ZNF704: variants seen among roughly 807,000 people sequenced by gnomAD.
ZNF704 encodes the protein zinc finger protein 704.
A neutral mutation model predicts 44.7 loss-of-function variants in ZNF704; 10 were observed. The observed-to-expected ratio is 0.22, with a 90% confidence interval of 0.14 to 0.38. The LOEUF (loss-of-function observed/expected upper bound fraction) is 0.38, where lower values mean the gene tolerates loss of function less well. ZNF704 is among the 10% of genes least tolerant of loss of function. The pLI is 1.00. For synonymous variants in ZNF704, 211 were observed against 207.6 expected (o/e 1.02, Z -0.14); for missense variants, 390 against 545.5 (o/e 0.71, Z 2.84).
chr8:80,864,733 G>A (rs558724757), intron 1 of ZNF704, among the ~76,000 whole-genome samples: 13 of 152,288 alleles, frequency 8.5e-5, no homozygotes, highest in Middle Eastern at 3.4e-3. Flanking sequence ...AGACACCAAC[G>A]CACAGGAGGG....
intron 2 of ZNF704, among the ~76,000 whole-genome samples, chr8:80,790,771 T>C (rs889572799): frequency 2.0e-5 from 3 of 151,976 alleles, no homozygotes; most frequent in Non-Finnish European, 1.5e-5. Flanking sequence ...TCTGAGGGCA[T>C]GAAGCTAAGT....
At chr8:80,749,038 A>C (rs537706160) in intron 2 of ZNF704, among the ~76,000 whole-genome samples, 26 of 152,320 alleles carry the variant, frequency 1.7e-4, no homozygotes, top group African/African-American at 6.0e-4. Context: ...GTCATCTACT[A>C]ATGAGTGAGG....
At chr8:80,873,154 T>C (rs1809283422) in intron 1 of ZNF704, among the ~76,000 whole-genome samples, 1 of 152,096 alleles carries the variant, frequency 6.6e-6, no homozygotes, top group Non-Finnish European at 1.5e-5. Flanking sequence ...ACTCCTTCCT[T>C]GGGGGAGAAT....
At chr8:80,883,186 C>T in the ZNF704 span, among the ~76,000 whole-genome samples, 7 of 140,260 alleles carry the variant, frequency 5.0e-5, no homozygotes. Flanking sequence ...AGACAGGTTT[C>T]AGTCAGCTGA....
In ZNF704 at chr8:80,687,357, A is replaced by T; in HGVS notation, c.427T>A (p.Ser143Thr). 6.2e-7 allele frequency: 1 copy of T among 1,608,784 alleles called. No homozygotes were observed. Among genetic ancestry groups the T allele is most frequent in the Non-Finnish European group, 8.5e-7 (1 of 1,179,524 alleles). ...GCCGAGAGCGGCGGCGACGGCGTGG[A>T]CGGGTTGGACTGGTCGCTGGGGGCG... ...WSAPSDQSNP[S>T]TPSPPLSADS... The change falls in exon 4 of 9, where the codon TCC becomes ACC. Residue 143 changes from serine to threonine, a missense_variant. Physicochemically the swap from Ser to Thr is moderately conservative, Grantham distance 58. This residue lies in a region of ZNF704 where 305 missense variants were observed against 435.7 expected (regional missense o/e 0.70). Coordinates refer to ENST00000327835, the MANE Select transcript of ZNF704 (RefSeq NM_001033723.3).
At chr8:80,798,342 G>A (rs1041716273) in intron 2 of ZNF704, among the ~76,000 whole-genome samples, 6 of 151,056 alleles carry the variant, frequency 4.0e-5, no homozygotes, top group East Asian at 1.9e-4. Flanking sequence ...CGCAACCTCC[G>A]CCTCCCAGGT....
chr8:80,650,556 A>C (rs1817901442), intron 7 of ZNF704, among the ~76,000 whole-genome samples: 1 of 152,222 alleles, frequency 6.6e-6, no homozygotes, highest in Admixed American at 6.5e-5. Context: ...AAGTGGAAGA[A>C]AGGGTATCAG....
chr8:80,798,044 T>C (rs937342059), intron 2 of ZNF704, among the ~76,000 whole-genome samples: 1 of 152,178 alleles, frequency 6.6e-6, no homozygotes, highest in African/African-American at 2.4e-5. Context: ...TCATGGATCT[T>C]TTTTTGCTCT....
At chr8:80,650,137 G>A (rs1006087707) in intron 7 of ZNF704, among the ~76,000 whole-genome samples, 1 of 152,150 alleles carries the variant, frequency 6.6e-6, no homozygotes, top group African/African-American at 2.4e-5. Flanking sequence ...AAACAGAAAG[G>A]ACATCCACAC....
chr8:80,736,341 A>T (rs1806664837), intron 2 of ZNF704, among the ~76,000 whole-genome samples: 1 of 152,210 alleles, frequency 6.6e-6, no homozygotes, highest in Admixed American at 6.5e-5. Flanking sequence ...GTGCAGTGGC[A>T]CAATCTCAGC....
intron 2 of ZNF704, among the ~76,000 whole-genome samples, chr8:80,810,673 T>C (rs1808066939): frequency 6.6e-6 from 1 of 152,202 alleles, no homozygotes; most frequent in African/African-American, 2.4e-5. Flanking sequence ...GGACCAGAAC[T>C]GTGGTAATAC....
At chr8:80,713,673 T>C (rs1214366278) in intron 2 of ZNF704, among the ~76,000 whole-genome samples, 1 of 152,244 alleles carries the variant, frequency 6.6e-6, no homozygotes, top group Admixed American at 6.5e-5. Context: ...TAACTTCAAA[T>C]GGTGAGCTTC....
intron 2 of ZNF704, among the ~76,000 whole-genome samples, chr8:80,755,825 G>A (rs1416623788): frequency 6.6e-6 from 1 of 152,142 alleles, no homozygotes; most frequent in African/African-American, 2.4e-5. Context: ...GTAGCTGAAG[G>A]CCAGCTGCAG....
At chr8:80,694,207 G>T (rs917185976) in intron 2 of ZNF704, 3 of 152,186 alleles carry the variant, frequency 2.0e-5, no homozygotes, top group African/African-American at 7.2e-5. Flanking sequence ...AGAAAGAGTA[G>T]GTCATGGGAA....
intron 1 of ZNF704, among the ~76,000 whole-genome samples, chr8:80,858,353 T>C (rs1808998288): frequency 4.6e-5 from 7 of 152,238 alleles, no homozygotes; most frequent in Admixed American, 3.9e-4. Flanking sequence ...TCCATAAACT[T>C]TGATGATGCA....
chr8:80,841,078 C>T (rs1808669988), intron 1 of ZNF704, among the ~76,000 whole-genome samples: 1 of 152,150 alleles, frequency 6.6e-6, no homozygotes, highest in Admixed American at 6.5e-5. Flanking sequence ...AGCAAGAATA[C>T]CCCGCACTGC....
At chr8:80,663,721 T>A (rs1379427262) in intron 6 of ZNF704, among the ~76,000 whole-genome samples, 2 of 143,562 alleles carry the variant, frequency 1.4e-5, no homozygotes, top group East Asian at 3.9e-4. Context: ...AGCTTTCCAA[T>A]GCTTACATTT....
At chr8:80,692,138 C>G (rs962567935) in intron 3 of ZNF704, among the ~76,000 whole-genome samples, 1 of 152,190 alleles carries the variant, frequency 6.6e-6, no homozygotes, top group Non-Finnish European at 1.5e-5. Context: ...TAAATGACCC[C>G]TCCTGATAGG....
intron 2 of ZNF704, among the ~76,000 whole-genome samples, chr8:80,783,127 ATG>A (rs768057557): frequency 1.3e-5 from 2 of 152,220 alleles, no homozygotes; most frequent in South Asian, 4.2e-4. Context: ...CAGACTGAAC[ATG>A]TGTGTTCAGC....
Sources: gnomAD v4.1 joint callset for allele counts (sites outside exome capture counted in the v4.1 genomes callset) on GRCh38, gnomAD v4.1.1 for gene constraint, gnomAD v4.1.1 regional missense constraint, MANE v1.5 for transcripts, NCBI Gene and HGNC (gene_info 2026-07-23, HGNC 2026-07-21) for gene names.